AUTS2: variants seen among roughly 807,000 people sequenced by gnomAD.
The protein encoded by AUTS2 is activator of transcription and developmental regulator AUTS2.
A neutral mutation model predicts 112.4 loss-of-function variants in AUTS2; 17 were observed. The observed-to-expected ratio is 0.15, with a 90% CI of 0.10 to 0.23. The LOEUF is 0.23. Among genes scored for constraint, AUTS2 ranks in the 10% least tolerant of loss-of-function variants. The pLI is 1.00. For synonymous variants in AUTS2, 751 were observed against 702.7 expected (o/e 1.07, Z -1.09); for missense variants, 1,510 against 1,701.6 (o/e 0.89, Z 1.98).
At chr7:69,743,750 T>G (rs574997767) in intron 1 of AUTS2, among the ~76,000 whole-genome samples, 2 of 152,340 alleles carry the variant, frequency 1.3e-5, no homozygotes, top group South Asian at 4.1e-4. Context: ...CTCTTATGTC[T>G]GGCCTATTCA....
chr7:70,211,901 G>C (rs34856949), intron 4 of AUTS2, among the ~76,000 whole-genome samples: 2,214 of 152,074 alleles, frequency 0.015, 19 homozygotes, highest in Middle Eastern at 0.024. Context: ...CAGGAGAATG[G>C]AGTGAGCCTG....
At chr7:70,759,728 AT>A (rs751578588) in intron 6 of AUTS2, among the ~76,000 whole-genome samples, 1 of 152,202 alleles carries the variant, frequency 6.6e-6, no homozygotes, top group Non-Finnish European at 1.5e-5. Context: ...CGCCTGCAGG[AT>A]GCCATCTGCA....
intron 2 of AUTS2, among the ~76,000 whole-genome samples, chr7:70,041,201 G>A (rs924169072): frequency 6.6e-6 from 1 of 152,084 alleles, no homozygotes; most frequent in Non-Finnish European, 1.5e-5. Flanking sequence ...CTTCCTATGT[G>A]GCTTTTAAAT....
intron 1 of AUTS2, among the ~76,000 whole-genome samples, chr7:69,823,414 C>G (rs1436917857): frequency 1.3e-5 from 2 of 152,140 alleles, no homozygotes; most frequent in Non-Finnish European, 2.9e-5. Flanking sequence ...GTAAGGAGCC[C>G]TTGAAAGGAG....
At chr7:70,216,032 T>A (rs1811148127) in intron 4 of AUTS2, among the ~76,000 whole-genome samples, 1 of 152,232 alleles carries the variant, frequency 6.6e-6, no homozygotes, top group Admixed American at 6.5e-5. Flanking sequence ...TCAGAATCCC[T>A]ATATTGTAGC....
intron 2 of AUTS2, among the ~76,000 whole-genome samples, chr7:70,087,329 G>GTA (rs1491088263): frequency 1.0e-4 from 15 of 147,272 alleles, no homozygotes; most frequent in South Asian, 4.3e-4. Flanking sequence ...AAAATTATTC[G>GTA]TATATATATA....
chr7:69,761,910 T>C (rs1182853196), intron 1 of AUTS2, among the ~76,000 whole-genome samples: 1 of 152,252 alleles, frequency 6.6e-6, no homozygotes, highest in Non-Finnish European at 1.5e-5. Flanking sequence ...TGGGCCTTTA[T>C]TGAATGATGA....
intron 1 of AUTS2, among the ~76,000 whole-genome samples, chr7:69,848,640 C>G (rs1227797161): frequency 6.6e-6 from 1 of 152,168 alleles, no homozygotes; most frequent in Admixed American, 6.5e-5. Flanking sequence ...GGTCTCTGCT[C>G]TGCGTGCATC....
chr7:69,838,278 A>G lies in AUTS2; in HGVS notation c.310-61008A>G, dbSNP rs1791814395. ...TAGAGATAATATGTTTATTTTACAG[A>G]TAAAGAATCAGGCCTAAAGCGATTG... On this transcript the variant is annotated intron_variant, in intron 1 of 18. Coordinates refer to ENST00000342771, the MANE Select transcript of AUTS2 (RefSeq NM_015570.4). 3.3e-5 allele frequency among the ~76,000 whole-genome samples: 5 copies of G among 151,684 alleles called. No individual in the cohort carries two copies. The South Asian group carries it at 1.1e-3, about 32-fold the overall frequency.
At chr7:70,746,526 T>C (rs1161042898) in intron 6 of AUTS2, among the ~76,000 whole-genome samples, 1 of 152,230 alleles carries the variant, frequency 6.6e-6, no homozygotes, top group Non-Finnish European at 1.5e-5. Context: ...ATAAGAAACA[T>C]AATGTGTTGC....
At chr7:70,158,773 G>C (rs1033651653) in intron 4 of AUTS2, among the ~76,000 whole-genome samples, 2 of 152,072 alleles carry the variant, frequency 1.3e-5, no homozygotes, top group African/African-American at 4.8e-5. Flanking sequence ...GACAAGTGTT[G>C]AGTATGTGTG....
intron 2 of AUTS2, among the ~76,000 whole-genome samples, chr7:70,078,838 T>TTG (rs895507435): frequency 8.5e-5 from 13 of 152,234 alleles, no homozygotes; most frequent in Non-Finnish European, 1.5e-5. Context: ...GCCATATAAC[T>TTG]TGTGTGTTGC....
intron 4 of AUTS2, among the ~76,000 whole-genome samples, chr7:70,176,164 G>A (rs929031283): frequency 6.6e-6 from 1 of 152,080 alleles, no homozygotes; most frequent in African/African-American, 2.4e-5. Context: ...GTTTCATTAG[G>A]GTTACTGCTA....
At chr7:69,613,666 C>T (rs895547622) in intron 1 of AUTS2, among the ~76,000 whole-genome samples, 1 of 152,172 alleles carries the variant, frequency 6.6e-6, no homozygotes, top group Non-Finnish European at 1.5e-5. Context: ...TGCATATAAG[C>T]TTATATTCTG....
intron 1 of AUTS2, among the ~76,000 whole-genome samples, chr7:69,759,564 A>G (rs946914451): frequency 2.0e-5 from 3 of 151,992 alleles, no homozygotes; most frequent in Non-Finnish European, 4.4e-5. Flanking sequence ...ATTGAGAAAA[A>G]TGCCTTCATA....
intron 5 of AUTS2, among the ~76,000 whole-genome samples, chr7:70,667,285 T>C (rs1807400296): frequency 6.6e-6 from 1 of 152,180 alleles, no homozygotes; most frequent in Admixed American, 6.5e-5. Flanking sequence ...TTTATTATAA[T>C]ACAGATGTGA....
intron 5 of AUTS2, among the ~76,000 whole-genome samples, chr7:70,495,620 GCACACACACACCCCACA>G (rs1798429620): frequency 4.5e-5 from 2 of 44,016 alleles, no homozygotes; most frequent in African/African-American, 1.8e-4. Flanking sequence ...GTACACAGTC[GCACACACACACCCCACA>G]CATGCACACG....
At chr7:69,683,967 C>T (rs1441983580) in intron 1 of AUTS2, among the ~76,000 whole-genome samples, 5 of 151,950 alleles carry the variant, frequency 3.3e-5, no homozygotes, top group South Asian at 2.1e-4. Context: ...GAGATAATGG[C>T]GGACATAATG....
At chr7:70,248,350 C>G (rs1487576767) in intron 4 of AUTS2, among the ~76,000 whole-genome samples, 1 of 152,188 alleles carries the variant, frequency 6.6e-6, no homozygotes, top group Non-Finnish European at 1.5e-5. Context: ...CCTCAAACTC[C>G]TGACCTCAAG....
Sources: gnomAD v4.1 joint callset for allele counts (sites outside exome capture counted in the v4.1 genomes callset) on GRCh38, gnomAD v4.1.1 for gene constraint, MANE v1.5 for transcripts, NCBI Gene and HGNC (gene_info 2026-07-23, HGNC 2026-07-21) for gene names.